ABCB1: variants seen among roughly 807,000 people sequenced by gnomAD.
ABCB1 encodes ATP-dependent translocase ABCB1.
Under a neutral mutation model 142.0 loss-of-function variants are expected in ABCB1, and 69 were observed. The observed-to-expected ratio is 0.49, with a 90% confidence interval of 0.40 to 0.59. The LOEUF (loss-of-function observed/expected upper bound fraction) is 0.59, where lower values mean the gene tolerates loss of function less well. ABCB1 is among the 20% of genes least tolerant of loss of function. The pLI, the probability that ABCB1 is intolerant of heterozygous loss-of-function variation, is 0.00. For synonymous variants in ABCB1, 532 were observed against 539.2 expected, an observed-to-expected ratio of 0.99 and a Z score of 0.18; for missense variants, 1,326 against 1,554.7, an observed-to-expected ratio of 0.85 and a Z score of 2.47.
At chr7:87,566,367 T>C in intron 6 of ABCB1, 126 bp from the exon 7 acceptor site, 4 of 973,990 alleles carry the variant, frequency 4.1e-6, no homozygotes, top group Non-Finnish European at 3.2e-6. Flanking sequence ...TTGTTTTATT[T>C]AGCAGGGTAG....
intron 1 of ABCB1, among the ~76,000 whole-genome samples, chr7:87,671,431 G>A (rs537486929): frequency 6.6e-6 from 1 of 152,176 alleles, no homozygotes; most frequent in East Asian, 1.9e-4. Flanking sequence ...CCTGTCTGGT[G>A]AGGAGATCTG....
At position 87,626,226 on chromosome 7, in the gene ABCB1, C is replaced by CAT. The variant is rs1179089755; in HGVS notation, c.-330-25150_-330-25149dup. On this transcript the variant is annotated intron_variant, in intron 1 of 28. Coordinates refer to the ABCB1 transcript ENST00000265724. The stretch of plus-strand genomic sequence containing the variant: ...TCATATATATGTGTCATATATATGT[C>CAT]ATATATATGTGTCATATATATGTCA... 2.2e-5 allele frequency among the ~76,000 whole-genome samples: 2 copies of CAT among 92,434 alleles called. 1 individual carries two copies. The highest frequency in any genetic ancestry group is 4.4e-5 in the Non-Finnish European group (2 of 45,748). The allele number at this position is 92,434 out of a possible 152,430, so 60.6% of individuals were successfully genotyped here.
At chr7:87,618,968 TTCCCAGAGTCTCCAGTTG>T (rs1433058158) in intron 1 of ABCB1, among the ~76,000 whole-genome samples, 1 of 152,156 alleles carries the variant, frequency 6.6e-6, no homozygotes, top group East Asian at 1.9e-4. Context: ...AGTAGATTCT[TTCCCAGAGTCTCCAGTTG>T]AGGACATAGC....
intron 1 of ABCB1, among the ~76,000 whole-genome samples, chr7:87,645,663 C>T (rs1380483140): frequency 6.6e-6 from 1 of 152,136 alleles, no homozygotes; most frequent in African/African-American, 2.4e-5. Flanking sequence ...CAGGAAATAG[C>T]TCAGCATCTG....
At chr7:87,703,885 C>CTTTTTTTTTTTTTTTTTTTT in intron 1 of ABCB1, among the ~76,000 whole-genome samples, 33 of 60,262 alleles carry the variant, frequency 5.5e-4, no homozygotes, top group East Asian at 1.0e-3. Context: ...TCAGTTTTTT[C>CTTTTTTTTTTTTTTTTTTTT]TTTTTTTTTT....
At chr7:87,561,721 C>T (rs1314007060) in intron 7 of ABCB1, among the ~76,000 whole-genome samples, 2 of 152,188 alleles carry the variant, frequency 1.3e-5, no homozygotes, top group African/African-American at 4.8e-5. Context: ...TGTGGTGGCT[C>T]ACACTTGTAA....
At chr7:87,662,299 T>G (rs376709185) in intron 1 of ABCB1, among the ~76,000 whole-genome samples, 1 of 152,156 alleles carries the variant, frequency 6.6e-6, no homozygotes. Context: ...CCTGTTCTTA[T>G]GGGGTGTCAG....
chr7:87,583,420 T>C (rs2129914305), intron 4 of ABCB1, among the ~76,000 whole-genome samples: 1 of 152,306 alleles, frequency 6.6e-6, no homozygotes, highest in Non-Finnish European at 1.5e-5. Flanking sequence ...AAAAGTAAAC[T>C]TTCAAATATT....
chr7:87,708,456 A>G (rs1231382728), intron 1 of ABCB1, among the ~76,000 whole-genome samples: 3 of 152,142 alleles, frequency 2.0e-5, no homozygotes, highest in Non-Finnish European at 4.4e-5. Flanking sequence ...AAGGATGGAA[A>G]TATCTGGATA....
chr7:87,599,989 G>C (rs2130000274), intron 2 of ABCB1, 128 bp downstream of exon 2: 4 of 919,156 alleles, frequency 4.4e-6, no homozygotes, highest in Non-Finnish European at 1.7e-6. Flanking sequence ...TGATTCCAAA[G>C]GCTAGCTTGC....
intron 26 of ABCB1, among the ~76,000 whole-genome samples, chr7:87,508,573 GAC>G (rs1416804984): frequency 6.6e-6 from 1 of 152,114 alleles, no homozygotes; most frequent in Non-Finnish European, 1.5e-5. Context: ...GAATTCAGAG[GAC>G]ACCCATAGGA....
intron 21 of ABCB1, among the ~76,000 whole-genome samples, chr7:87,525,647 G>T (rs1158577836): frequency 6.6e-6 from 1 of 152,118 alleles, no homozygotes; most frequent in Non-Finnish European, 1.5e-5. Context: ...TCATTAAGCG[G>T]AAGTGGATCA....
chr7:87,628,591 G>C (rs1453525637), intron 1 of ABCB1: 1 of 70,932 alleles, frequency 1.4e-5, no homozygotes, highest in Non-Finnish European at 2.8e-5. Flanking sequence ...GTGCGTGTGT[G>C]TGTGTGTGTG....
chr7:87,504,875 T>C (rs1400629189), intron 27 of ABCB1, among the ~76,000 whole-genome samples: 4 of 150,280 alleles, frequency 2.7e-5, no homozygotes, highest in African/African-American at 9.8e-5. Context: ...GTCAGTGAAA[T>C]AGAACAGGTT....
intron 1 of ABCB1, among the ~76,000 whole-genome samples, chr7:87,679,388 C>A (rs563775237): frequency 6.7e-6 from 1 of 149,190 alleles, no homozygotes; most frequent in South Asian, 2.1e-4. Context: ...CCACCGTGCC[C>A]GGCCCCCAAC....
chr7:87,572,483 G>GA, intron 4 of ABCB1, among the ~76,000 whole-genome samples: 1 of 152,034 alleles, frequency 6.6e-6, no homozygotes, highest in East Asian at 1.9e-4. Flanking sequence ...AAAATACATA[G>GA]AAAACAAGTC....
At position 87,649,644 on chromosome 7, in the gene ABCB1, C is replaced by T. The variant is rs145477413; in HGVS notation, c.-330-48566G>A. ...ATAAGGAAAAATATAGTACACTTTACAGATTTGCAGGTTTTGCTATTTATA... is the reference window on the plus strand; with the variant it reads ...ATAAGGAAAAATATAGTACACTTTATAGATTTGCAGGTTTTGCTATTTATA... On this transcript the variant is annotated intron_variant, in intron 1 of 28. Coordinates refer to the ABCB1 transcript ENST00000265724. Among the ~76,000 whole-genome samples the T allele has an allele frequency of 2.6e-4, 40 of 152,234 alleles. 1 individual carries two copies. Among genetic ancestry groups the T allele is most frequent in the Middle Eastern group, 6.8e-3 (2 of 294 alleles).
intron 1 of ABCB1, among the ~76,000 whole-genome samples, chr7:87,634,421 A>G (rs898915069): frequency 6.9e-5 from 10 of 145,552 alleles, no homozygotes; most frequent in Middle Eastern, 3.3e-3. Context: ...CAAGAGTTCG[A>G]GACCAGCCTG....
At chr7:87,566,752 A>G (rs781563090) in intron 6 of ABCB1, 33 bp downstream of exon 6, 2 of 1,600,944 alleles carry the variant, frequency 1.2e-6, no homozygotes, top group South Asian at 2.2e-5. Flanking sequence ...GATAAGAACG[A>G]CACCCAAGTT....
Sources: allele counts gnomAD v4.1 joint callset (sites outside exome capture counted in the v4.1 genomes callset), GRCh38; gene constraint gnomAD v4.1.1; transcripts MANE v1.5; gene names NCBI Gene and HGNC (gene_info 2026-07-23, HGNC 2026-07-21).